CNIH3: variants seen among roughly 807,000 people sequenced by gnomAD.
CNIH3 encodes cornichon family AMPA receptor auxiliary protein 3.
In CNIH3, 14 loss-of-function variants were observed where a neutral mutation model predicts 24.1. That is an observed-to-expected ratio of 0.58 (90% CI 0.38 to 0.91). The LOEUF (loss-of-function observed/expected upper bound fraction) is 0.91. Among genes scored for constraint, CNIH3 ranks in the 40% least tolerant of loss-of-function variants. CNIH3 has a pLI of 0.00. For missense variants in CNIH3, 178 were observed against 196.8 expected, an observed-to-expected ratio of 0.90 and a Z score of 0.57; for synonymous variants, 68 against 73.8, an observed-to-expected ratio of 0.92 and a Z score of 0.40.
chr1:224,694,613 G>A (rs1011734637), intron 3 of CNIH3, among the ~76,000 whole-genome samples: 4 of 152,152 alleles, frequency 2.6e-5, no homozygotes, highest in Non-Finnish European at 5.9e-5. Context: ...TTCATTATAT[G>A]AAAAAGACAC....
At chr1:224,617,594 A>G (rs1309931789) in intron 1 of CNIH3, among the ~76,000 whole-genome samples, 1 of 152,234 alleles carries the variant, frequency 6.6e-6, no homozygotes, top group Non-Finnish European at 1.5e-5. Context: ...GCGAAGGAGA[A>G]GCGCCGCCGT....
intron 3 of CNIH3, among the ~76,000 whole-genome samples, chr1:224,708,543 C>T (rs908438235): frequency 5.3e-5 from 8 of 152,212 alleles, no homozygotes; most frequent in African/African-American, 1.9e-4. Context: ...GAATCCCTTG[C>T]AGTCCGGCAG....
intron 3 of CNIH3, among the ~76,000 whole-genome samples, chr1:224,711,346 G>A (rs1254684689): frequency 6.7e-6 from 1 of 150,344 alleles, no homozygotes; most frequent in East Asian, 1.9e-4. Flanking sequence ...TGGAGACAGG[G>A]TTTTTGTTCT....
chr1:224,647,284 A>G, intron 1 of CNIH3, among the ~76,000 whole-genome samples: 1 of 152,240 alleles, frequency 6.6e-6, no homozygotes, highest in East Asian at 1.9e-4. Flanking sequence ...TGCCCGTCCT[A>G]CAGTCACATT....
chr1:224,623,793 C>T (rs1380440525), intron 1 of CNIH3, among the ~76,000 whole-genome samples: 1 of 152,200 alleles, frequency 6.6e-6, no homozygotes, highest in Non-Finnish European at 1.5e-5. Flanking sequence ...TGCTCCATCA[C>T]TTTTCCCCAC....
chr1:224,683,724 A>C (rs371734009), intron 2 of CNIH3, among the ~76,000 whole-genome samples: 1 of 152,212 alleles, frequency 6.6e-6, no homozygotes, highest in Non-Finnish European at 1.5e-5. Context: ...CTGGGCATTC[A>C]GTATTACTTT....
chr1:224,647,937 C>A (rs555657316), intron 1 of CNIH3, among the ~76,000 whole-genome samples: 3 of 152,188 alleles, frequency 2.0e-5, no homozygotes, highest in Non-Finnish European at 4.4e-5. Flanking sequence ...ACTGTTCTAT[C>A]TTAGGGTACT....
At chr1:224,611,709 A>G (rs1682708976), upstream of CNIH3, 1 of 152,272 alleles carries the variant, frequency 6.6e-6, no homozygotes, top group Admixed American at 6.5e-5. Context: ...CAATGTCTAC[A>G]GTAGAGAAAA....
chr1:224,458,519 G>T lies in CNIH3; in HGVS notation n.203+23657G>T, dbSNP rs577132038. ...CTGCGGTTGGTGGGCAGGAGAGCCT[G>T]GTCTGATGACAGCAACCACCCTTTG... On this transcript the variant is annotated intron_variant and non_coding_transcript_variant, in intron 1 of 5. Transcript: ENST00000471578. This position sits in a 1 kb window ranked among gnomAD's most constrained non-coding sequence, Gnocchi z 4.3. Among the ~76,000 whole-genome samples the T allele has an allele frequency of 1.4e-4, 22 of 152,238 alleles. No individual in the cohort carries two copies. The highest frequency in any genetic ancestry group is 4.8e-4 in the African/African-American group (20 of 41,544).
At chr1:224,580,459 G>T (rs925517766) in intron 4 of CNIH3, among the ~76,000 whole-genome samples, 3 of 152,182 alleles carry the variant, frequency 2.0e-5, no homozygotes, top group Non-Finnish European at 4.4e-5. Context: ...GATTTCAAGG[G>T]CTTCAATATT....
chr1:224,637,972 A>T (rs1001747305), intron 1 of CNIH3, among the ~76,000 whole-genome samples: 1 of 152,246 alleles, frequency 6.6e-6, no homozygotes, highest in African/African-American at 2.4e-5. Context: ...ATTGATGAAT[A>T]AGAAAAGTAA....
At chr1:224,483,525 A>G (rs1257024980) in intron 1 of CNIH3, among the ~76,000 whole-genome samples, 1 of 151,408 alleles carries the variant, frequency 6.6e-6, no homozygotes, top group Non-Finnish European at 1.5e-5. Flanking sequence ...AGTAGCTGGG[A>G]TTTATAGGCA....
At position 224,547,851 on chromosome 1, in the gene CNIH3, C is replaced by G. The variant is rs1261783747; in HGVS notation, n.450+912C>G. Among the ~76,000 whole-genome samples, 2 of 151,484 alleles carry G rather than the reference C, an allele frequency of 1.3e-5. 1 individual carries two copies. Among genetic ancestry groups the G allele is most frequent in the Non-Finnish European group, 2.9e-5 (2 of 67,856 alleles). On this transcript the variant is annotated intron_variant and non_coding_transcript_variant, in intron 3 of 5. Coordinates refer to the CNIH3 transcript ENST00000471578. ...TGTAATATCTAAAGAAGATATTATTCCTAATATCAAAGTGGGAGTATACCC... is the reference window on the plus strand; with the variant it reads ...TGTAATATCTAAAGAAGATATTATTGCTAATATCAAAGTGGGAGTATACCC...
chr1:224,657,385 T>C (rs1179700173), intron 1 of CNIH3, among the ~76,000 whole-genome samples: 2 of 151,682 alleles, frequency 1.3e-5, no homozygotes, highest in Non-Finnish European at 2.9e-5. Flanking sequence ...CCACAAATAG[T>C]TTTCAAATTC....
chr1:224,601,782 T>C (rs111762607), intron 3 of CNIH3, among the ~76,000 whole-genome samples: 1,870 of 152,346 alleles, frequency 0.012, 40 homozygotes, highest in African/African-American at 0.042. Flanking sequence ...CAAAATAATA[T>C]AGTAGTGAAT....
Position 224,739,588 on chromosome 1 carries a change from G to T in CNIH3, c.*232G>T. Reference sequence around the variant, plus strand: ...CTTTGGCATTCGAATTCCACACACGGGGTCCTAGAGCCCTTCTGAGCATCA... The same window carrying T: ...CTTTGGCATTCGAATTCCACACACGTGGTCCTAGAGCCCTTCTGAGCATCA... On this transcript the variant is annotated 3_prime_UTR_variant, in exon 6 of 6. Coordinates refer to ENST00000272133, the MANE Select transcript of CNIH3 (RefSeq NM_152495.2). 1 of 710,954 alleles carries T rather than the reference G, an allele frequency of 1.4e-6. No individual in the cohort carries two copies. The highest frequency in any genetic ancestry group is 2.3e-6 in the Non-Finnish European group (1 of 439,142). 44.0% of individuals were successfully genotyped at this position (710,954 alleles called of 1,614,324 possible). A position where few individuals can be genotyped will look rare whatever the true frequency, so the allele number is the denominator to read the frequency against.
intron 1 of CNIH3, among the ~76,000 whole-genome samples, chr1:224,501,353 T>G (rs559772315): frequency 2.2e-4 from 33 of 152,118 alleles, no homozygotes; most frequent in African/African-American, 7.9e-4. Context: ...TCTCATAATT[T>G]TATTTAATCT....
At chr1:224,537,269 A>C (rs984926883), downstream of CNIH3, 1 of 152,212 alleles carries the variant, frequency 6.6e-6, no homozygotes, top group African/African-American at 2.4e-5. Context: ...AAAGGACAGA[A>C]CTCAAAGTCA....
At chr1:224,690,014 G>A (rs940601506) in intron 3 of CNIH3, among the ~76,000 whole-genome samples, 2 of 152,116 alleles carry the variant, frequency 1.3e-5, no homozygotes, top group East Asian at 1.9e-4. Flanking sequence ...AAGGGTTCTC[G>A]TGGGGAGGAG....
Sources: gnomAD v4.1 joint callset for allele counts (sites outside exome capture counted in the v4.1 genomes callset) on GRCh38, gnomAD v4.1.1 for gene constraint, Gnocchi (gnomAD v3.1) non-coding constraint, MANE v1.5 for transcripts, NCBI Gene and HGNC (gene_info 2026-07-23, HGNC 2026-07-21) for gene names.